The following SLC27A1 variants were observed in gnomAD, a reference collection of about 807,000 sequenced individuals.
The protein encoded by SLC27A1 is solute carrier family 27 member 1.
SLC27A1 carries 61 observed loss-of-function variants against 62.2 expected under a neutral mutation model. The observed-to-expected ratio is 0.98, with a 90% CI of 0.80 to 1.21. The LOEUF is 1.21. Ranked by LOEUF, SLC27A1 falls within the 50% of genes most tolerant of loss-of-function variation. The pLI is 0.00. For missense variants in SLC27A1, 903 were observed against 932.1 expected, an observed-to-expected ratio of 0.97 and a Z score of 0.41; for synonymous variants, 435 against 408.6, an observed-to-expected ratio of 1.06 and a Z score of -0.78.
At chr19:17,495,909 T>G (rs1973660036) in intron 6 of SLC27A1, 1 of 152,562 alleles carries the variant, frequency 6.6e-6, no homozygotes, top group Non-Finnish European at 1.5e-5. Flanking sequence ...AGGGGATGCC[T>G]CTCAGTGACG....
intron 1 of SLC27A1, among the ~76,000 whole-genome samples, chr19:17,476,601 G>A (rs2075125022): frequency 6.6e-6 from 1 of 151,840 alleles, no homozygotes; most frequent in South Asian, 2.1e-4. Context: ...GTGCCTCATG[G>A]GCACTTGGCC....
intron 11 of SLC27A1, among the ~76,000 whole-genome samples, chr19:17,503,278 G>T (rs2075436633): frequency 6.6e-6 from 1 of 152,182 alleles, no homozygotes; most frequent in Non-Finnish European, 1.5e-5. Flanking sequence ...GTGTTGCCCA[G>T]GCTGGTCTCG....
At chr19:17,499,903 G>A in intron 7 of SLC27A1, 1 of 215,124 alleles carries the variant, frequency 4.6e-6, no homozygotes, top group Non-Finnish European at 9.3e-6. Flanking sequence ...CAAACATGTT[G>A]GAGAAGCATT....
At chr19:17,496,296 A>G (rs1159580063) in intron 6 of SLC27A1, 3 of 150,560 alleles carry the variant, frequency 2.0e-5, no homozygotes, top group Non-Finnish European at 4.4e-5. Flanking sequence ...CCATCTGTAA[A>G]GTGGCGGGGG....
intron 1 of SLC27A1, among the ~76,000 whole-genome samples, chr19:17,481,553 G>T (rs1004313924): frequency 6.6e-6 from 1 of 152,130 alleles, no homozygotes; most frequent in Non-Finnish European, 1.5e-5. Flanking sequence ...ACCTAGGCTG[G>T]AGTGCAGTGA....
At chr19:17,493,131 A>T (rs2144595719) in intron 6 of SLC27A1, among the ~76,000 whole-genome samples, 2 of 149,638 alleles carry the variant, frequency 1.3e-5, no homozygotes, top group African/African-American at 4.9e-5. Context: ...TCAAAAAAAA[A>T]AAAAGAAAAA....
In SLC27A1 at chr19:17,504,533, T is replaced by C. The variant is rs750472052; in HGVS notation, c.1862T>C (p.Leu621Pro). 6.2e-7 allele frequency: 1 copy of C among 1,614,230 alleles called. No individual in the cohort carries two copies. The highest frequency in any genetic ancestry group is 8.5e-7 in the Non-Finnish European group (1 of 1,180,038). Residue 621 changes from leucine to proline, a missense_variant, in exon 12 of 12, where the codon CTG becomes CCG. Leu to Pro is a moderately conservative substitution (Grantham distance 98). Transcript: ENST00000252595. ...PRQTSDRLFF[L>P]DLKQGHYLPL... ...CAGACCTCAGACCGGCTCTTCTTCC[T>C]GGACCTGAAGCAGGGCCACTACCTG...
At position 17,486,665 on chromosome 19, in the gene SLC27A1, C is replaced by G; in HGVS notation, c.270C>G (p.Pro90=). ...RIFQAVVQRQ[P]ERLALVDAGT... ...TTCAGGCGGTAGTGCAGCGACAGCC[C>G]GAGCGCCTGGCGCTGGTGGATGCCG... is the stretch of plus-strand genomic sequence containing the variant. Residue 90 remains proline (P), a synonymous_variant, in exon 2 of 12, where the codon CCC becomes CCG. Coordinates refer to ENST00000252595, the MANE Select transcript of SLC27A1 (RefSeq NM_198580.3). This position sits in a 1 kb window ranked among gnomAD's most constrained non-coding sequence, Gnocchi z 6.6. 6.2e-7 allele frequency: 1 copy of G among 1,609,046 alleles called. No homozygotes were observed. Among genetic ancestry groups the G allele is most frequent in the East Asian group, 2.2e-5 (1 of 44,862 alleles).
intron 6 of SLC27A1, among the ~76,000 whole-genome samples, chr19:17,489,354 T>C (rs2075272852): frequency 6.6e-6 from 1 of 151,982 alleles, no homozygotes; most frequent in Non-Finnish European, 1.5e-5. Context: ...CTCCCCCGTC[T>C]CTAGGGGTGG....
Position 17,504,797 on chromosome 19 carries a change from C to A in SLC27A1, c.*185C>A, listed in dbSNP as rs771729270. 3 of 769,434 alleles carry A rather than the reference C, an allele frequency of 3.9e-6. No homozygotes were observed. In the Admixed American group the frequency reaches 6.0e-5, roughly 15 times the overall value. 47.7% of individuals were successfully genotyped at this position (769,434 alleles called of 1,614,324 possible). ...CCGTGCCTCTCTGCTGCCTTGGTGCCCCTGTGTCTGCCTCCTCTCCCTGCT... is the reference window on the plus strand; with the variant it reads ...CCGTGCCTCTCTGCTGCCTTGGTGCACCTGTGTCTGCCTCCTCTCCCTGCT... On this transcript the variant is annotated 3_prime_UTR_variant, in exon 12 of 12. Transcript: ENST00000252595.
At chr19:17,498,718 TGTTA>T (rs916506395) in intron 7 of SLC27A1, 2 of 210,290 alleles carry the variant, frequency 9.5e-6, no homozygotes, top group Non-Finnish European at 1.8e-5. Flanking sequence ...CTGGCTGCAC[TGTTA>T]TTTACTGGAT....
intron 4 of SLC27A1, among the ~76,000 whole-genome samples, chr19:17,488,295 TTGCAGTGAGCTGAGATCCCGCCAC>T (rs1402749508): frequency 6.6e-6 from 1 of 152,004 alleles, no homozygotes; most frequent in African/African-American, 2.4e-5. Flanking sequence ...GAGGCGGAGG[TTGCAGTGAGCTGAGATCCCGCCAC>T]TGCACTCCAG....
intron 6 of SLC27A1, among the ~76,000 whole-genome samples, chr19:17,493,440 A>C (rs1332980695): frequency 6.6e-6 from 1 of 151,448 alleles, no homozygotes; most frequent in East Asian, 1.9e-4. Context: ...AAAAAAAAAA[A>C]AAAAAAAAAC....
At chr19:17,480,605 T>C (rs2075167937) in intron 1 of SLC27A1, among the ~76,000 whole-genome samples, 1 of 143,692 alleles carries the variant, frequency 7.0e-6, no homozygotes, top group South Asian at 2.3e-4. Flanking sequence ...TTCAAACTCC[T>C]GAGCTCAAGT....
chr19:17,503,192 A>G (rs748829919), intron 11 of SLC27A1, among the ~76,000 whole-genome samples: 4 of 152,010 alleles, frequency 2.6e-5, no homozygotes, highest in Non-Finnish European at 5.9e-5. Flanking sequence ...CTCCCACAAC[A>G]CGTGGGAAGT....
At chr19:17,473,179 A>G (rs1214332361) in intron 1 of SLC27A1, among the ~76,000 whole-genome samples, 1 of 151,392 alleles carries the variant, frequency 6.6e-6, no homozygotes, top group East Asian at 2.0e-4. Context: ...GCGATCACCC[A>G]ATTTCAGCCT....
rs898332246 is a variant in SLC27A1 at position 17,504,858 on chromosome 19, C to G, written c.*246C>G. ...TGTCTCCTTCCATCCCTGTCCCTGT[C>G]TGGCCTTAACTCTTCCCTCTTTTTC... On this transcript the variant is annotated 3_prime_UTR_variant, in exon 12 of 12. Coordinates refer to ENST00000252595, the MANE Select transcript of SLC27A1 (RefSeq NM_198580.3). The G allele has an allele frequency of 3.8e-5, 26 of 683,506 alleles. No homozygotes were observed. Among genetic ancestry groups the G allele is most frequent in the Non-Finnish European group, 6.7e-5 (25 of 373,498 alleles). 42.3% of individuals were successfully genotyped at this position (683,506 alleles called of 1,614,324 possible).
chr19:17,497,367 T>C lies in SLC27A1; in HGVS notation c.1109T>C (p.Ile370Thr). The C allele has an allele frequency of 6.2e-7, 1 of 1,602,890 alleles. No homozygotes were observed. The highest frequency in any genetic ancestry group is 8.5e-7 in the Non-Finnish European group (1 of 1,176,688). The change falls in exon 7 of 12, where the codon ATC becomes ACC. Residue 370 changes from isoleucine to threonine, a missense_variant. Transcript: ENST00000252595. ...GTGGGGAACGGGCTGCGTCCTGCCA[T>C]CTGGGAGGAGTTCACGGAGCGCTTC... ...LAVGNGLRPA[I>T]WEEFTERFGV... is the part of the protein sequence containing the mutation.
chr19:17,476,747 TC>T (rs2075126376), intron 1 of SLC27A1, among the ~76,000 whole-genome samples: 1 of 152,030 alleles, frequency 6.6e-6, no homozygotes, highest in African/African-American at 2.4e-5. Flanking sequence ...GCGTGTCCAT[TC>T]CCCACTCCGA....
Sources: gnomAD v4.1 joint callset for allele counts (sites outside exome capture counted in the v4.1 genomes callset) on GRCh38, gnomAD v4.1.1 for gene constraint, Gnocchi (gnomAD v3.1) non-coding constraint, MANE v1.5 for transcripts, NCBI Gene and HGNC (gene_info 2026-07-23, HGNC 2026-07-21) for gene names.